SDK1: variants seen among roughly 807,000 people sequenced by gnomAD.
SDK1 encodes the protein protein sidekick-1.
In SDK1, 157 loss-of-function variants were observed where a neutral mutation model predicts 245.5. The ratio of observed to expected loss-of-function variants is 0.64; its 90% CI spans 0.56 to 0.73. The LOEUF (loss-of-function observed/expected upper bound fraction) is 0.73, where lower values mean the gene tolerates loss of function less well. SDK1 is among the 30% of genes least tolerant of loss of function. The probability of loss-of-function intolerance (pLI) is 0.00; values close to 1 mark genes in which losing one functional copy is unlikely to be tolerated. For missense variants in SDK1, 3,583 were observed against 3,002.3 expected, an observed-to-expected ratio of 1.19 and a Z score of -4.52; for synonymous variants, 1,647 against 1,278.5, an observed-to-expected ratio of 1.29 and a Z score of -6.15.
intron 19 of SDK1, among the ~76,000 whole-genome samples, chr7:4,052,169 C>T (rs1778898076): frequency 1.0e-3 from 1 of 1,004 alleles, no homozygotes; most frequent in Admixed American, 7.4e-3. Flanking sequence ...CTTCCATGAT[C>T]CCCCCCCCCC....
intron 27 of SDK1, 138 bp downstream of exon 27, chr7:4,130,235 A>T: frequency 9.8e-7 from 1 of 1,018,898 alleles, no homozygotes; most frequent in Non-Finnish European, 1.4e-6. Flanking sequence ...ACAAAACAAA[A>T]TTGTTTTTCA....
intron 2 of SDK1, among the ~76,000 whole-genome samples, chr7:3,631,283 A>G (rs1782280360): frequency 6.6e-6 from 1 of 152,040 alleles, no homozygotes; most frequent in Admixed American, 6.6e-5. Flanking sequence ...CTCTCTCTGT[A>G]CTCACCAAGA....
intron 5 of SDK1, among the ~76,000 whole-genome samples, chr7:3,916,410 AGT>A (rs570918814): frequency 8.2e-4 from 125 of 152,360 alleles, no homozygotes; most frequent in African/African-American, 2.6e-3. Flanking sequence ...CCTTTGGCAC[AGT>A]GAGTTTGGGG....
intron 1 of SDK1, among the ~76,000 whole-genome samples, chr7:3,445,314 A>G (rs897640165): frequency 2.4e-4 from 36 of 152,184 alleles, no homozygotes; most frequent in African/African-American, 8.0e-4. Flanking sequence ...TGGGCTCAAT[A>G]ATAATGAGAG....
At chr7:4,225,953 G>A (rs527279349) in intron 40 of SDK1, among the ~76,000 whole-genome samples, 2 of 152,244 alleles carry the variant, frequency 1.3e-5, no homozygotes, top group East Asian at 1.9e-4. Flanking sequence ...CGCGGGACCC[G>A]TGTTCTTTCA....
Position 3,752,154 on chromosome 7 carries a change from G to A in SDK1, c.714-69296G>A, listed in dbSNP as rs115529189. Among the ~76,000 whole-genome samples the A allele has an allele frequency of 1.0e-3, 155 of 152,294 alleles. 1 individual carries two copies. The highest frequency in any genetic ancestry group is 3.6e-3 in the African/African-American group (150 of 41,574). On this transcript the variant is annotated intron_variant, in intron 4 of 44. Coordinates refer to ENST00000404826, the MANE Select transcript of SDK1 (RefSeq NM_152744.4). The stretch of plus-strand genomic sequence containing the variant: ...TTTTCGTTTTCATCTTGCACAACCT[G>A]ATAGGTGAGCCTGAAATTGGCTCTG...
intron 22 of SDK1, among the ~76,000 whole-genome samples, chr7:4,101,248 T>C (rs1009406604): frequency 2.0e-5 from 3 of 151,902 alleles, no homozygotes; most frequent in African/African-American, 7.3e-5. Flanking sequence ...TTCACACCAT[T>C]CTCCTGCCTC....
intron 35 of SDK1, among the ~76,000 whole-genome samples, chr7:4,186,949 T>C (rs1218230992): frequency 1.3e-5 from 2 of 152,136 alleles, no homozygotes; most frequent in Non-Finnish European, 2.9e-5. Context: ...ACCCCTGGCA[T>C]CTGTAGCCTC....
At chr7:4,196,478 C>T (rs1005573197) in intron 35 of SDK1, among the ~76,000 whole-genome samples, 39 of 152,238 alleles carry the variant, frequency 2.6e-4, no homozygotes, top group African/African-American at 9.2e-4. Context: ...TGCCGTCTCT[C>T]CCGGGCCTTT....
At chr7:3,680,129 C>A (rs1184377089) in intron 4 of SDK1, among the ~76,000 whole-genome samples, 1 of 152,150 alleles carries the variant, frequency 6.6e-6, no homozygotes, top group African/African-American at 2.4e-5. Context: ...AATGAATGAA[C>A]CAGGCAACGA....
chr7:3,822,957 C>G (rs1435598676), intron 5 of SDK1, among the ~76,000 whole-genome samples: 1 of 151,832 alleles, frequency 6.6e-6, no homozygotes, highest in African/African-American at 2.4e-5. Context: ...TAATTGGTCC[C>G]AAGTGGCCGT....
chr7:3,301,292 C>T lies in SDK1; in HGVS notation c.-295C>T, dbSNP rs1429671869. ...CGCCGGGCGGGGGCGGCGGCGGCGG[C>T]GGCTCCTCCGCGCCCGGCGGACCCC... On this transcript the variant is annotated 5_prime_UTR_variant, in exon 1 of 45. Transcript: ENST00000404826. 6.9e-6 allele frequency among the ~76,000 whole-genome samples: 1 copy of T among 145,410 alleles called. No individual in the cohort carries two copies. The highest frequency in any genetic ancestry group is 2.5e-5 in the African/African-American group (1 of 40,340).
At chr7:3,563,514 G>A (rs557616684) in intron 1 of SDK1, among the ~76,000 whole-genome samples, 3 of 152,212 alleles carry the variant, frequency 2.0e-5, no homozygotes, top group African/African-American at 7.2e-5. Flanking sequence ...ACAAGAAGAT[G>A]TAACCATAAA....
At chr7:3,676,174 C>T (rs552302299) in intron 4 of SDK1, among the ~76,000 whole-genome samples, 1 of 152,020 alleles carries the variant, frequency 6.6e-6, no homozygotes, top group Admixed American at 6.6e-5. Flanking sequence ...ACTATGTTGC[C>T]ACCTGGCTAA....
intron 17 of SDK1, among the ~76,000 whole-genome samples, chr7:4,025,857 G>C (rs1478206340): frequency 6.6e-6 from 1 of 152,190 alleles, no homozygotes; most frequent in Non-Finnish European, 1.5e-5. Flanking sequence ...TGTCACATGT[G>C]AGTTAGGCCT....
At chr7:3,887,731 C>CCT (rs1388473294) in intron 5 of SDK1, among the ~76,000 whole-genome samples, 2 of 152,150 alleles carry the variant, frequency 1.3e-5, no homozygotes, top group African/African-American at 4.8e-5. Flanking sequence ...TTCTTTTCTA[C>CCT]CTCTCCAAGT....
intron 5 of SDK1, among the ~76,000 whole-genome samples, chr7:3,858,014 C>G (rs1443738175): frequency 2.0e-5 from 3 of 152,202 alleles, no homozygotes; most frequent in African/African-American, 7.2e-5. Flanking sequence ...CACCTCTCCC[C>G]AAATCTATAA....
chr7:3,634,221 G>A (rs1274416154), intron 2 of SDK1, among the ~76,000 whole-genome samples: 1 of 152,088 alleles, frequency 6.6e-6, no homozygotes, highest in East Asian at 1.9e-4. Flanking sequence ...TCCAAATACA[G>A]GGAAGTGGTT....
chr7:4,202,085 C>G (rs960167364), intron 35 of SDK1, among the ~76,000 whole-genome samples: 1 of 152,206 alleles, frequency 6.6e-6, no homozygotes, highest in African/African-American at 2.4e-5. Context: ...GCCAGATGTT[C>G]TACTTTCCAG....
Sources: gnomAD v4.1 joint callset for allele counts (sites outside exome capture counted in the v4.1 genomes callset) on GRCh38, gnomAD v4.1.1 for gene constraint, MANE v1.5 for transcripts, NCBI Gene and HGNC (gene_info 2026-07-23, HGNC 2026-07-21) for gene names.